CFAP74: variants seen among roughly 807,000 people sequenced by gnomAD.
CFAP74 encodes cilia and flagella associated protein 74, also known as cilia- and flagella-associated protein 74.
In CFAP74, 124 loss-of-function variants were observed where a neutral mutation model predicts 188.9. The observed-to-expected ratio is 0.66, with a 90% CI of 0.57 to 0.76. The LOEUF is 0.76. Ranked by LOEUF, CFAP74 falls within the 30% of genes least tolerant of loss-of-function variation. CFAP74 has a pLI of 0.00. For missense variants in CFAP74, 2,198 were observed against 2,165.2 expected (o/e 1.02, Z -0.30); for synonymous variants, 956 against 916.7 (o/e 1.04, Z -0.77).
rs1284766464 is a variant in CFAP74, at chr1:1,928,806, T to A, written c.3365A>T (p.Asn1122Ile). The stretch of plus-strand genomic sequence containing the variant: ...CACAGATTTGGTCTCCATTTCTTTG[T>A]TCAGGAGTGGGAGGGCTTCCTGGCG... The part of the protein sequence containing the change: ...LIRQEALPLL[N>I]KEMETKSFRK... The change falls in exon 27 of 39, where the codon AAC becomes ATC. Residue 1122 changes from asparagine (N) to isoleucine (I), a missense_variant. Asn to Ile is a moderately radical substitution (Grantham distance 149). Coordinates refer to ENST00000682832, the MANE Select transcript of CFAP74 (RefSeq NM_001304360.2). The A allele has an allele frequency of 6.5e-7, 1 of 1,535,696 alleles. No individual in the cohort carries two copies.
intron 5 of CFAP74, 49 bp from the exon 6 acceptor site, chr1:1,985,539 C>T (rs749994895): frequency 4.6e-5 from 67 of 1,465,762 alleles, no homozygotes; most frequent in Non-Finnish European, 6.2e-5. Context: ...CTCAGTCATC[C>T]AGGGGCCATC....
intron 16 of CFAP74, among the ~76,000 whole-genome samples, chr1:1,957,769 G>T (rs923812186): frequency 5.5e-5 from 8 of 144,440 alleles, no homozygotes; most frequent in African/African-American, 1.4e-4. Flanking sequence ...CTGTCTGCGG[G>T]GGGGCGGGGG....
Position 1,968,755 on chromosome 1 carries a change from CT to C in CFAP74, c.1124del (p.Lys375ArgfsTer15). 6.2e-7 allele frequency: 1 copy of C among 1,614,144 alleles called. No homozygotes were observed. Among genetic ancestry groups the C allele is most frequent in the Non-Finnish European group, 8.5e-7 (1 of 1,179,996 alleles). On this transcript the variant is annotated frameshift_variant, in exon 11 of 39. Transcript: ENST00000682832. LOFTEE classifies it high-confidence loss of function. The surrounding 1 kb of genome is among the most constrained non-coding windows in gnomAD (Gnocchi z 4.3). Reference protein sequence around the residue: ...RILKEEAEEEKRKKQHPPTSA... With the variant: ...RILKEEAEEEXRKKQHPPTSA... ...TGGTGGGGGGATGCTGTTTCTTCCTCTTTTCCTCCTCAGCCTCCTCTTTCAG... is the reference window on the plus strand; with the variant it reads ...TGGTGGGGGGATGCTGTTTCTTCCTCTTTCCTCCTCAGCCTCCTCTTTCAG...
chr1:1,991,769 G>C (rs906679193), intron 1 of CFAP74, among the ~76,000 whole-genome samples: 1 of 152,164 alleles, frequency 6.6e-6, no homozygotes, highest in Non-Finnish European at 1.5e-5. Flanking sequence ...GCTGGGCGTG[G>C]TGGCTCACAC....
chr1:1,971,711 G>A (rs1369947490), intron 9 of CFAP74, among the ~76,000 whole-genome samples: 2 of 152,246 alleles, frequency 1.3e-5, no homozygotes, highest in Non-Finnish European at 2.9e-5. Context: ...TGTCTCATGA[G>A]GACGCCACTG....
At chr1:1,928,547 C>T (rs2102032899) in intron 27 of CFAP74, among the ~76,000 whole-genome samples, 1 of 152,348 alleles carries the variant, frequency 6.6e-6, no homozygotes, top group East Asian at 1.9e-4. Flanking sequence ...ACTGCCCCCA[C>T]CTCCAGAGCC....
chr1:1,958,802 G>A (rs879903611), intron 16 of CFAP74, among the ~76,000 whole-genome samples: 3 of 152,162 alleles, frequency 2.0e-5, no homozygotes, highest in African/African-American at 4.8e-5. Flanking sequence ...AGAATCAGGC[G>A]GGATCCCCCC....
At chr1:1,936,217 C>CA (rs112657762) in intron 25 of CFAP74, among the ~76,000 whole-genome samples, 18,001 of 99,854 alleles carry the variant, frequency 0.18, 2,208 homozygotes, top group African/African-American at 0.38. Context: ...TGCTCCGTCT[C>CA]AAAAAAAAAA....
chr1:1,926,867 C>A, intron 29 of CFAP74, 27 bp downstream of exon 29: 1 of 1,549,778 alleles, frequency 6.5e-7, no homozygotes, highest in Non-Finnish European at 8.7e-7. Flanking sequence ...GCTGACCACA[C>A]CCTGTTCTGG....
At chr1:1,965,105 C>T (rs756535673) in intron 12 of CFAP74, 44 bp from the exon 13 acceptor site, 2 of 1,583,862 alleles carry the variant, frequency 1.3e-6, no homozygotes, top group East Asian at 4.5e-5. Context: ...AGCGGCTCCA[C>T]CTGGGCGGCG....
chr1:1,981,212 C>T (rs1464763641), intron 6 of CFAP74, among the ~76,000 whole-genome samples: 3 of 152,270 alleles, frequency 2.0e-5, no homozygotes, highest in African/African-American at 7.2e-5. Context: ...AACAATCCCA[C>T]TGAGTGGAAG....
At chr1:1,971,239 A>G (rs768691641) in intron 9 of CFAP74, among the ~76,000 whole-genome samples, 39 of 149,398 alleles carry the variant, frequency 2.6e-4, no homozygotes, top group African/African-American at 3.7e-4. Context: ...GCCTGCACAC[A>G]CATGCACACA....
intron 25 of CFAP74, among the ~76,000 whole-genome samples, chr1:1,935,434 G>A (rs112348560): frequency 1.0e-5 from 1 of 97,412 alleles, no homozygotes; most frequent in Non-Finnish European, 2.2e-5. Flanking sequence ...AGGTACACAC[G>A]TGTGTACGTG....
chr1:1,980,414 A>G lies in CFAP74; in HGVS notation c.500+4972T>C, dbSNP rs1256555982. On this transcript the variant is annotated intron_variant, in intron 6 of 38. Coordinates refer to ENST00000682832, the MANE Select transcript of CFAP74 (RefSeq NM_001304360.2). The stretch of plus-strand genomic sequence containing the variant: ...TATCTAAGCCACCGGCACAGATCGC[A>G]GTGGGCGCCCTCTTACCGTGTGGGG... Among the ~76,000 whole-genome samples, 62 of 128,192 alleles carry G rather than the reference A, an allele frequency of 4.8e-4. 2 individuals carry two copies. The highest frequency in any genetic ancestry group is 1.6e-3 in the African/African-American group (54 of 33,506). 84.1% of individuals were successfully genotyped at this position (128,192 alleles called of 152,430 possible).
chr1:1,993,012 C>A (rs529640528), intron 1 of CFAP74, among the ~76,000 whole-genome samples: 1 of 151,088 alleles, frequency 6.6e-6, no homozygotes, highest in African/African-American at 2.4e-5. Context: ...ACCAGCCTGG[C>A]CAGCATGGTG....
At position 1,966,457 on chromosome 1, in the gene CFAP74, C is replaced by A; in HGVS notation, c.1315G>T (p.Gly439Trp). 6.2e-7 allele frequency: 1 copy of A among 1,606,730 alleles called. No homozygotes were observed. The stretch of plus-strand genomic sequence containing the variant: ...TCCTCTGAGCTGGCCCCGGGGTCCC[C>A]CTGGATAAGCTCACTGGAAACGACT... Reference protein sequence around the residue: ...LEVVSSELIQGDPGASSEEET... With the variant: ...LEVVSSELIQWDPGASSEEET... The change falls in exon 12 of 39, where the codon GGG becomes TGG. Residue 439 changes from glycine to tryptophan, a missense_variant. Coordinates refer to ENST00000682832, the MANE Select transcript of CFAP74 (RefSeq NM_001304360.2).
chr1:1,923,885 C>G lies in CFAP74; in HGVS notation c.4279G>C (p.Val1427Leu), dbSNP rs754376528. The change falls in exon 35 of 39, where the codon GTC (valine) becomes CTC (leucine). Residue 1427 changes from valine to leucine, a missense_variant. Coordinates refer to ENST00000682832, the MANE Select transcript of CFAP74 (RefSeq NM_001304360.2). This position sits in a 1 kb window ranked among gnomAD's most constrained non-coding sequence, Gnocchi z 6.3. ...TTCCCGGGGTCCATGACGCCCTTGA[C>G]GGGGGCCACGCTGAACACGCTCTGA... ...NGQSVFSVAP[V>L]KGVMDPGKTQ... 1.9e-6 allele frequency: 3 copies of G among 1,612,820 alleles called. No individual in the cohort carries two copies. Among genetic ancestry groups the G allele is most frequent in the Non-Finnish European group, 2.5e-6 (3 of 1,179,690 alleles).
chr1:1,929,847 C>T (rs970348493), intron 26 of CFAP74, among the ~76,000 whole-genome samples: 1 of 151,576 alleles, frequency 6.6e-6, no homozygotes, highest in African/African-American at 2.4e-5. Context: ...GGCACTGTGA[C>T]CCCCCCCGAT....
intron 2 of CFAP74, 135 bp from the exon 3 acceptor site, chr1:1,989,108 G>A (rs1657425337): frequency 4.3e-6 from 2 of 464,700 alleles, no homozygotes; most frequent in African/African-American, 4.0e-5. Flanking sequence ...CACAAGCACA[G>A]GCAGAGGTAA....
Sources: allele counts gnomAD v4.1 joint callset (sites outside exome capture counted in the v4.1 genomes callset), GRCh38; gene constraint gnomAD v4.1.1; non-coding constraint Gnocchi (gnomAD v3.1); transcripts MANE v1.5; gene names NCBI Gene and HGNC (gene_info 2026-07-23, HGNC 2026-07-21).